Variants in ATP6V0A2 observed in about 807,000 individuals in gnomAD.
ATP6V0A2 encodes V-type proton ATPase 116 kDa subunit a 2.
In ATP6V0A2, 58 loss-of-function variants were observed where a neutral mutation model predicts 104.4. That is an observed-to-expected ratio of 0.56 (90% CI 0.45 to 0.69). ATP6V0A2 has a LOEUF of 0.69. Ranked by LOEUF, ATP6V0A2 falls within the 30% of genes least tolerant of loss-of-function variation. ATP6V0A2 has a pLI of 0.00. For missense variants in ATP6V0A2, 938 were observed against 1,062.9 expected (o/e 0.88, Z 1.63); for synonymous variants, 376 against 397.9 (o/e 0.95, Z 0.65).
chr12:123,719,562 C>G (rs904916630), intron 2 of ATP6V0A2, among the ~76,000 whole-genome samples: 6 of 151,576 alleles, frequency 4.0e-5, no homozygotes, highest in African/African-American at 1.5e-4. Flanking sequence ...AATTTTTGTA[C>G]TTTTAGTAGA....
In ATP6V0A2 at chr12:123,744,767, G is replaced by A; in HGVS notation, c.1497G>A (p.Lys499=). 6.2e-7 allele frequency: 1 copy of A among 1,614,064 alleles called. No individual in the cohort carries two copies. The highest frequency in any genetic ancestry group is 1.1e-5 in the South Asian group (1 of 91,080). The part of the protein sequence containing the change: ...YSSSHPPAEH[K]KMVLWNDSVV... ...CCAGCCACCCACCCGCAGAGCATAA[G>A]AAGATGGTGCTTTGGAAGTAAGTGT... Residue 499 remains lysine (K), a synonymous_variant, in exon 12 of 20, where the codon AAG becomes AAA. Coordinates refer to ENST00000330342, the MANE Select transcript of ATP6V0A2 (RefSeq NM_012463.4). The surrounding 1 kb of genome is among the most constrained non-coding windows in gnomAD (Gnocchi z 5.4).
In ATP6V0A2 at chr12:123,737,106, C is replaced by G; in HGVS notation, c.873C>G (p.Ala291=). 6.2e-7 allele frequency: 1 copy of G among 1,614,164 alleles called. No homozygotes were observed. Among genetic ancestry groups the G allele is most frequent in the Non-Finnish European group, 8.5e-7 (1 of 1,180,030 alleles). The change falls in exon 9 of 20, where the codon GCC becomes GCG. Residue 291 remains alanine (A), a synonymous_variant. Coordinates refer to ENST00000330342, the MANE Select transcript of ATP6V0A2 (RefSeq NM_012463.4). ...EDYLRQVLCK[A]AESVYSRVIQ... is the part of the protein sequence containing the mutation. Reference sequence around the variant, plus strand: ...ATTTGAGGCAAGTGCTATGTAAAGCCGCCGAGTCTGTCTACAGCCGTGTGA... The same window carrying G: ...ATTTGAGGCAAGTGCTATGTAAAGCGGCCGAGTCTGTCTACAGCCGTGTGA...
At chr12:123,723,272 T>C (rs993611487) in intron 3 of ATP6V0A2, 9 of 152,132 alleles carry the variant, frequency 5.9e-5, no homozygotes, top group African/African-American at 1.9e-4. Context: ...ACAAACATAG[T>C]GATGACTGTG....
chr12:123,735,911 G>A (rs1224917738), intron 8 of ATP6V0A2, among the ~76,000 whole-genome samples: 1 of 152,038 alleles, frequency 6.6e-6, no homozygotes, highest in South Asian at 2.1e-4. Flanking sequence ...TCGCTCTGTC[G>A]CCCAGGCTTG....
chr12:123,733,887 C>A, intron 6 of ATP6V0A2, 39 bp from the exon 7 acceptor site: 1 of 1,472,708 alleles, frequency 6.8e-7, no homozygotes, highest in Non-Finnish European at 9.5e-7. Flanking sequence ...GAAGTTTATA[C>A]ACGCAGAAAT....
intron 15 of ATP6V0A2, 86 bp downstream of exon 15, chr12:123,748,871 T>C: frequency 7.6e-7 from 1 of 1,317,680 alleles, no homozygotes; most frequent in Non-Finnish European, 1.1e-6. Context: ...TGGGGTGATC[T>C]CCACAGGAGC....
At chr12:123,715,509 C>T (rs141897271) in intron 1 of ATP6V0A2, among the ~76,000 whole-genome samples, 3 of 152,276 alleles carry the variant, frequency 2.0e-5, no homozygotes, top group Non-Finnish European at 4.4e-5. Flanking sequence ...CCAGGTTGAG[C>T]AGTTTCATGT....
chr12:123,745,392 A>T (rs1400810419), intron 13 of ATP6V0A2, among the ~76,000 whole-genome samples: 2 of 152,128 alleles, frequency 1.3e-5, no homozygotes, highest in Non-Finnish European at 2.9e-5. Flanking sequence ...TTATTGGGGT[A>T]GTTGTTTGGA....
Position 123,750,682 on chromosome 12 carries a change from G to T in ATP6V0A2, c.1936-428G>T, listed in dbSNP as rs569799780. The stretch of plus-strand genomic sequence containing the variant: ...AATTCTCTTCCACGATTTTCTGTGT[G>T]TGGAGGTAAATCCACTTGCTGATTC... On this transcript the variant is annotated intron_variant, in intron 15 of 19. Coordinates refer to ENST00000330342, the MANE Select transcript of ATP6V0A2 (RefSeq NM_012463.4). 7.4e-5 allele frequency: 15 copies of T among 203,404 alleles called. No homozygotes were observed. The South Asian group carries it at 1.2e-3, about 17-fold the overall frequency. The allele number at this position is 203,404 out of a possible 1,614,324, so 12.6% of individuals were successfully genotyped here. A position where few individuals can be genotyped will look rare whatever the true frequency, so the allele number is the denominator to read the frequency against.
chr12:123,754,047 A>G, intron 17 of ATP6V0A2: 1 of 334,076 alleles, frequency 3.0e-6, no homozygotes, highest in Admixed American at 4.4e-5. Context: ...GGGTTGGTGA[A>G]TACCTATTTT....
chr12:123,748,503 G>C (rs556746767), intron 14 of ATP6V0A2, 72 bp from the exon 15 acceptor site: 1 of 1,141,588 alleles, frequency 8.8e-7, no homozygotes, highest in African/African-American at 1.5e-5. Context: ...TTTAGTTGCA[G>C]AGAGTTTAAT....
chr12:123,750,624 T>C (rs1429863903), intron 15 of ATP6V0A2: 1 of 208,052 alleles, frequency 4.8e-6, no homozygotes, highest in African/African-American at 2.3e-5. Flanking sequence ...TAAATCTTCG[T>C]TTTTCTAAGG....
intron 6 of ATP6V0A2, chr12:123,732,572 C>T (rs113425875): frequency 0.02 from 3,089 of 152,496 alleles, 47 homozygotes; most frequent in African/African-American, 0.034. Flanking sequence ...TCTGTGTGTA[C>T]TCCTCTGCTT....
In ATP6V0A2 at chr12:123,725,640, G is replaced by A. The variant is rs555381712; in HGVS notation, c.433-557G>A. 2.9e-4 allele frequency among the ~76,000 whole-genome samples: 44 copies of A among 152,120 alleles called. 1 individual carries two copies. The highest frequency in any genetic ancestry group is 1.0e-3 in the African/African-American group (42 of 41,512). ...TGTCTATACAAAAAATAAAAAATTA[G>A]CTGAGCGTGGTGGTGCATACTTGTA... is the stretch of plus-strand genomic sequence containing the variant. On this transcript the variant is annotated intron_variant, in intron 4 of 19. Coordinates refer to ENST00000330342, the MANE Select transcript of ATP6V0A2 (RefSeq NM_012463.4).
intron 13 of ATP6V0A2, among the ~76,000 whole-genome samples, chr12:123,747,379 A>C (rs1386125666): frequency 1.3e-5 from 2 of 152,206 alleles, no homozygotes; most frequent in Non-Finnish European, 2.9e-5. Flanking sequence ...ATGTGGTTCC[A>C]TCTGGCACCC....
chr12:123,719,120 T>G (rs968262669), intron 2 of ATP6V0A2, among the ~76,000 whole-genome samples: 8 of 152,204 alleles, frequency 5.3e-5, no homozygotes, highest in Non-Finnish European at 8.8e-5. Context: ...AATAAGTTAC[T>G]TAATTTAAAA....
At chr12:123,714,652 G>C (rs538096757) in intron 1 of ATP6V0A2, among the ~76,000 whole-genome samples, 6 of 152,156 alleles carry the variant, frequency 3.9e-5, no homozygotes, top group Non-Finnish European at 1.5e-5. Context: ...CTCCTCTGCC[G>C]GTTTTACTAG....
In ATP6V0A2 at chr12:123,744,879, C is replaced by T. The variant is rs1382740796; in HGVS notation, c.1515-3C>T. ...AGCCTCCTCACTCTGCTTTTTGTTA[C>T]AGTGACAGCGTCGTTAGACACAACA... is the stretch of plus-strand genomic sequence containing the variant. On this transcript the variant is annotated splice_polypyrimidine_tract_variant and splice_region_variant and intron_variant, in intron 12 of 19. Coordinates refer to ENST00000330342, the MANE Select transcript of ATP6V0A2 (RefSeq NM_012463.4). The surrounding 1 kb of genome is among the most constrained non-coding windows in gnomAD (Gnocchi z 5.4). The T allele has an allele frequency of 1.2e-6, 2 of 1,614,148 alleles. No homozygotes were observed. The highest frequency in any genetic ancestry group is 4.5e-5 in the East Asian group (2 of 44,878).
chr12:123,724,570 GT>G, intron 3 of ATP6V0A2, 83 bp from the exon 4 acceptor site: 4 of 1,412,890 alleles, frequency 2.8e-6, no homozygotes, highest in South Asian at 1.2e-5. Context: ...AAAACCCACT[GT>G]TTTTGGTATA....
Sources: gnomAD v4.1 joint callset for allele counts (sites outside exome capture counted in the v4.1 genomes callset) on GRCh38, gnomAD v4.1.1 for gene constraint, Gnocchi (gnomAD v3.1) non-coding constraint, MANE v1.5 for transcripts, NCBI Gene and HGNC (gene_info 2026-07-23, HGNC 2026-07-21) for gene names.